FAM118A: variants seen among roughly 807,000 people sequenced by gnomAD.
FAM118A encodes the protein SIR2 antiphage like 2.
In FAM118A, 25 loss-of-function variants were observed where a neutral mutation model predicts 38.2. The observed-to-expected ratio is 0.65, with a 90% confidence interval of 0.48 to 0.91. The LOEUF (loss-of-function observed/expected upper bound fraction) is 0.91, where lower values mean the gene tolerates loss of function less well. FAM118A is among the 40% of genes least tolerant of loss of function. The pLI is 0.00. For synonymous variants in FAM118A, 178 were observed against 184.1 expected, an observed-to-expected ratio of 0.97 and a Z score of 0.27; for missense variants, 425 against 463.3, an observed-to-expected ratio of 0.92 and a Z score of 0.76.
intron 1 of FAM118A, among the ~76,000 whole-genome samples, chr22:45,316,106 C>G (rs1263859647): frequency 3.3e-5 from 5 of 152,118 alleles, no homozygotes; most frequent in African/African-American, 1.2e-4. Flanking sequence ...GTGGCACGAT[C>G]TCGGCTCACT....
intron 5 of FAM118A, 21 bp downstream of exon 5, chr22:45,330,752 C>A: frequency 6.6e-7 from 1 of 1,517,736 alleles, no homozygotes; most frequent in Admixed American, 2.3e-5. Flanking sequence ...TCCTAATTAG[C>A]ATCGGTGCGT....
At chr22:45,326,067 C>T (rs925763236) in intron 3 of FAM118A, among the ~76,000 whole-genome samples, 1 of 152,028 alleles carries the variant, frequency 6.6e-6, no homozygotes, top group Admixed American at 6.6e-5. Context: ...GCAACACGAA[C>T]AGGCACAGAG....
intron 1 of FAM118A, among the ~76,000 whole-genome samples, chr22:45,320,523 A>C (rs1161214628): frequency 6.6e-6 from 1 of 151,820 alleles, no homozygotes; most frequent in Admixed American, 6.6e-5. Flanking sequence ...TGCAGCCTCA[A>C]CCTCCTGGGC....
chr22:45,324,678 G>C (rs964560747), intron 3 of FAM118A, among the ~76,000 whole-genome samples: 1 of 152,200 alleles, frequency 6.6e-6, no homozygotes, highest in Non-Finnish European at 1.5e-5. Context: ...CGTATAGTAC[G>C]TGGCTGCTTT....
chr22:45,337,554 T>G (rs1280945781), intron 8 of FAM118A, among the ~76,000 whole-genome samples: 1 of 152,146 alleles, frequency 6.6e-6, no homozygotes, highest in Non-Finnish European at 1.5e-5. Flanking sequence ...TTCCCAATAT[T>G]CTTAAATGTA....
At position 45,328,027 on chromosome 22, in the gene FAM118A, G is replaced by T. The variant is rs2085418547; in HGVS notation, c.486G>T (p.Lys162Asn). 2.5e-6 allele frequency: 4 copies of T among 1,600,556 alleles called. No individual in the cohort carries two copies. In the Admixed American group the frequency reaches 6.9e-5, roughly 27 times the overall value. ...LLEAFGRRQN[K>N]PMESLDLKDK... ...AGGCCTTTGGCCGGCGGCAGAACAA[G>T]CCCATGGAGTCCCTGGACTTGAAGG... The change falls in exon 4 of 9, where the codon AAG (lysine) becomes AAT (asparagine). Residue 162 changes from lysine to asparagine, a missense_variant. Coordinates refer to ENST00000441876, the MANE Select transcript of FAM118A (RefSeq NM_017911.4).
intron 6 of FAM118A, 29 bp downstream of exon 6, chr22:45,332,739 T>C: frequency 5.9e-6 from 9 of 1,519,986 alleles, no homozygotes; most frequent in Non-Finnish European, 7.9e-6. Flanking sequence ...CTTTCCTTTT[T>C]CTTTCTTTTT....
chr22:45,331,839 C>T (rs1044230224), intron 5 of FAM118A, among the ~76,000 whole-genome samples: 5 of 152,046 alleles, frequency 3.3e-5, no homozygotes, highest in Non-Finnish European at 7.4e-5. Context: ...GCCTGAGTGA[C>T]CCCATGCAAT....
chr22:45,326,774 A>G (rs1342598798), intron 3 of FAM118A, among the ~76,000 whole-genome samples: 7 of 150,346 alleles, frequency 4.7e-5, no homozygotes, highest in African/African-American at 1.7e-4. Context: ...GCAGTGAGCC[A>G]AGATCACGCC....
chr22:45,320,219 C>T (rs2084792305), intron 1 of FAM118A, among the ~76,000 whole-genome samples: 1 of 152,094 alleles, frequency 6.6e-6, no homozygotes. Flanking sequence ...AATCCCAGCA[C>T]TTTGGGAGGC....
intron 2 of FAM118A, among the ~76,000 whole-genome samples, chr22:45,322,697 T>C (rs2084951661): frequency 6.6e-6 from 1 of 152,160 alleles, no homozygotes; most frequent in South Asian, 2.1e-4. Flanking sequence ...TAAGAAAGAA[T>C]TCTTTGACTA....
intron 3 of FAM118A, among the ~76,000 whole-genome samples, chr22:45,325,926 T>C (rs960808773): frequency 2.0e-5 from 3 of 151,560 alleles, no homozygotes; most frequent in African/African-American, 7.3e-5. Flanking sequence ...TCCCAGGAGA[T>C]GATGGAGATG....
rs371436250 is a variant in FAM118A, at chr22:45,340,414, C to A, written c.*9C>A. 6.2e-7 allele frequency: 1 copy of A among 1,614,024 alleles called. No individual in the cohort carries two copies. Among genetic ancestry groups the A allele is most frequent in the Non-Finnish European group, 8.5e-7 (1 of 1,180,010 alleles). ...ATGCTGGAGGGTCTTGAAATCTTTA[C>A]AGTAAAACCTGCAACTTGAAAACTA... On this transcript the variant is annotated 3_prime_UTR_variant, in exon 9 of 9. Transcript: ENST00000441876.
intron 3 of FAM118A, among the ~76,000 whole-genome samples, chr22:45,327,076 T>A (rs908376525): frequency 7.3e-5 from 11 of 149,896 alleles, no homozygotes; most frequent in South Asian, 2.1e-4. Flanking sequence ...ATTAAAAAAA[T>A]TTTTAAAAAA....
At chr22:45,312,818 G>C (rs2084430363) in intron 1 of FAM118A, among the ~76,000 whole-genome samples, 1 of 152,114 alleles carries the variant, frequency 6.6e-6, no homozygotes, top group African/African-American at 2.4e-5. Context: ...CCCTCCCCGG[G>C]GTGTACCATT....
At chr22:45,339,163 G>C (rs757965183) in intron 8 of FAM118A, among the ~76,000 whole-genome samples, 17 of 152,204 alleles carry the variant, frequency 1.1e-4, no homozygotes, top group Non-Finnish European at 2.5e-4. Context: ...CCAGCACTTT[G>C]GGAGGCTGAG....
chr22:45,312,500 C>G (rs1275760033), intron 1 of FAM118A, among the ~76,000 whole-genome samples: 1 of 152,144 alleles, frequency 6.6e-6, no homozygotes, highest in African/African-American at 2.4e-5. Context: ...TAGCAGAACC[C>G]CATCTCTACT....
intron 6 of FAM118A, among the ~76,000 whole-genome samples, chr22:45,334,863 G>A (rs1350965472): frequency 2.0e-5 from 3 of 152,150 alleles, no homozygotes; most frequent in African/African-American, 7.2e-5. Flanking sequence ...ACACTCCCTG[G>A]AAGAACAGGA....
chr22:45,328,077 G>T lies in FAM118A; in HGVS notation c.522+14G>T, dbSNP rs113718742. The T allele has an allele frequency of 4.1e-6, 2 of 489,270 alleles. No homozygotes were observed. The highest frequency in any genetic ancestry group is 3.2e-5 in the South Asian group (1 of 31,538). The allele number at this position is 489,270 out of a possible 1,614,324, so 30.3% of individuals were successfully genotyped here. ...GACAAGACCAAGGTATGGGCTGGGG[G>T]TGCGGGAGGCCTTTGGCCGGCGGCA... On this transcript the variant is annotated intron_variant, in intron 4 of 8. Transcript: ENST00000441876.
Sources: allele counts gnomAD v4.1 joint callset (sites outside exome capture counted in the v4.1 genomes callset), GRCh38; gene constraint gnomAD v4.1.1; transcripts MANE v1.5; gene names NCBI Gene and HGNC (gene_info 2026-07-23, HGNC 2026-07-21).